The following MSRA variants were observed in gnomAD, a reference collection of about 807,000 sequenced individuals.
MSRA encodes the protein methionine sulfoxide reductase A.
A neutral mutation model predicts 31.3 loss-of-function variants in MSRA; 54 were observed. That is an observed-to-expected ratio of 1.73 (90% CI 1.39 to 2.17). The LOEUF (loss-of-function observed/expected upper bound fraction) is 2.17. Ranked by LOEUF, MSRA falls within the 30% of genes most tolerant of loss-of-function variation. MSRA has a pLI of 0.00. For synonymous variants in MSRA, 169 were observed against 116.5 expected (o/e 1.45, Z -2.90); for missense variants, 507 against 300.9 (o/e 1.69, Z -5.07).
intron 5 of MSRA, among the ~76,000 whole-genome samples, chr8:10,372,942 G>A (rs1198084507): frequency 6.6e-6 from 1 of 152,244 alleles, no homozygotes; most frequent in East Asian, 1.9e-4. Context: ...AGGATGGAGT[G>A]CAGTGCTGCG....
chr8:10,311,122 C>T (rs1189987373), intron 4 of MSRA, among the ~76,000 whole-genome samples: 1 of 152,110 alleles, frequency 6.6e-6, no homozygotes, highest in Non-Finnish European at 1.5e-5. Context: ...AAAATCAGAG[C>T]TGGTAACACT....
At chr8:10,292,266 A>T (rs1216921768) in intron 3 of MSRA, among the ~76,000 whole-genome samples, 3 of 152,184 alleles carry the variant, frequency 2.0e-5, no homozygotes, top group Non-Finnish European at 2.9e-5. Flanking sequence ...CGGATGAAGG[A>T]TAAGTGAGTG....
chr8:10,118,356 T>C (rs1485868158), intron 1 of MSRA, among the ~76,000 whole-genome samples: 2 of 152,148 alleles, frequency 1.3e-5, no homozygotes, highest in African/African-American at 4.8e-5. Context: ...AGCACAGCTA[T>C]GTAAATCATG....
intron 1 of MSRA, among the ~76,000 whole-genome samples, chr8:10,080,618 T>A (rs1798243619): frequency 6.6e-6 from 1 of 151,984 alleles, no homozygotes; most frequent in South Asian, 2.1e-4. Flanking sequence ...CTTGAACTTC[T>A]GGGCTCACGC....
intron 4 of MSRA, among the ~76,000 whole-genome samples, chr8:10,307,200 G>C: frequency 6.9e-6 from 1 of 145,370 alleles, no homozygotes; most frequent in East Asian, 2.0e-4. Flanking sequence ...ACATGGTCTT[G>C]CTCTGTCACC....
intron 1 of MSRA, among the ~76,000 whole-genome samples, chr8:10,138,309 C>G (rs959437580): frequency 2.9e-4 from 44 of 152,094 alleles, no homozygotes; most frequent in African/African-American, 1.0e-3. Flanking sequence ...TACAGAAAAG[C>G]TTGAAGATGG....
At position 10,167,139 on chromosome 8, in the gene MSRA, T is replaced by C. The variant is rs1425589280; in HGVS notation, c.143-40694T>C. Among the ~76,000 whole-genome samples, 7 of 152,238 alleles carry C rather than the reference T, an allele frequency of 4.6e-5. No homozygotes were observed. In the South Asian group the frequency reaches 6.2e-4, roughly 14 times the overall value. ...TCCAACACTGCTTCCCCAGGTCCCC[T>C]CTCCCATGCCAGGAATTAAAATGTT... On this transcript the variant is annotated intron_variant, in intron 1 of 5. Coordinates refer to ENST00000317173, the MANE Select transcript of MSRA (RefSeq NM_012331.5).
At chr8:10,337,589 G>C in intron 5 of MSRA, 1 of 648,264 alleles carries the variant, frequency 1.5e-6, no homozygotes, top group South Asian at 1.8e-5. Context: ...ATTCCTCTCT[G>C]TCTCTGGAAG....
chr8:10,369,681 T>C (rs1438100913), intron 5 of MSRA, among the ~76,000 whole-genome samples: 1 of 152,206 alleles, frequency 6.6e-6, no homozygotes, highest in Non-Finnish European at 1.5e-5. Flanking sequence ...AAATAATTAT[T>C]AATACGGGAT....
chr8:10,221,815 C>T (rs1333022299), intron 2 of MSRA, among the ~76,000 whole-genome samples: 2 of 151,944 alleles, frequency 1.3e-5, no homozygotes, highest in Admixed American at 1.3e-4. Flanking sequence ...AGGAAAAATA[C>T]CTGAGACAGG....
chr8:10,096,057 T>C (rs867659969), intron 1 of MSRA: 14 of 1,384,626 alleles, frequency 1.0e-5, no homozygotes, highest in African/African-American at 9.1e-5. Flanking sequence ...AGTTTTTAGA[T>C]TTTATTTTAT....
At position 10,428,396 on chromosome 8, in the gene MSRA, G is replaced by A; in HGVS notation, c.*84G>A. 1.4e-6 allele frequency: 2 copies of A among 1,419,330 alleles called. No homozygotes were observed. The highest frequency in any genetic ancestry group is 1.9e-6 in the Non-Finnish European group (2 of 1,028,252). 87.9% of individuals were successfully genotyped at this position (1,419,330 alleles called of 1,614,324 possible). On this transcript the variant is annotated 3_prime_UTR_variant, in exon 6 of 6. Transcript: ENST00000317173. ...CAATGCTTGTGTGATTCACAATCGT[G>A]GCATTTAAAGTGCACAAAGTACAAA... is the stretch of plus-strand genomic sequence containing the variant.
At chr8:10,075,437 C>G (rs556452998) in intron 1 of MSRA, among the ~76,000 whole-genome samples, 6 of 152,304 alleles carry the variant, frequency 3.9e-5, no homozygotes, top group African/African-American at 7.2e-5. Flanking sequence ...GTATGTGTGT[C>G]CAGTGGCTGA....
chr8:10,394,045 T>C (rs1244037050), intron 5 of MSRA, among the ~76,000 whole-genome samples: 19 of 152,194 alleles, frequency 1.2e-4, no homozygotes. Flanking sequence ...ATGACCAGTG[T>C]TAACTTTGGG....
chr8:10,186,438 A>C (rs1188609714), intron 1 of MSRA, among the ~76,000 whole-genome samples: 1 of 152,186 alleles, frequency 6.6e-6, no homozygotes, highest in Non-Finnish European at 1.5e-5. Flanking sequence ...TGAATCTCTT[A>C]GAATTTGCAT....
chr8:10,154,072 G>A (rs983159888), intron 1 of MSRA, among the ~76,000 whole-genome samples: 3 of 152,158 alleles, frequency 2.0e-5, no homozygotes, highest in Non-Finnish European at 4.4e-5. Flanking sequence ...GTGGAGAAGA[G>A]GAAATAATAG....
At chr8:10,168,906 T>C (rs1205200312) in intron 1 of MSRA, among the ~76,000 whole-genome samples, 1 of 152,226 alleles carries the variant, frequency 6.6e-6, no homozygotes, top group African/African-American at 2.4e-5. Flanking sequence ...CACAGATAAT[T>C]CCAGTTGATT....
intron 1 of MSRA, among the ~76,000 whole-genome samples, chr8:10,083,614 A>T (rs530842386): frequency 1.6e-4 from 25 of 152,370 alleles, no homozygotes; most frequent in African/African-American, 5.3e-4. Context: ...CAAATTGGGC[A>T]GTTCCAGATC....
intron 3 of MSRA, among the ~76,000 whole-genome samples, chr8:10,265,231 G>A (rs1188613779): frequency 3.3e-5 from 5 of 152,228 alleles, no homozygotes; most frequent in Non-Finnish European, 5.9e-5. Flanking sequence ...CATATACCAC[G>A]TGATGGGGAG....
Sources: gnomAD v4.1 joint callset for allele counts (sites outside exome capture counted in the v4.1 genomes callset) on GRCh38, gnomAD v4.1.1 for gene constraint, MANE v1.5 for transcripts, NCBI Gene and HGNC (gene_info 2026-07-23, HGNC 2026-07-21) for gene names.